PGAP1: variants seen among roughly 807,000 people sequenced by gnomAD.
PGAP1 encodes post-GPI attachment to proteins inositol deacylase 1.
In PGAP1, 76 loss-of-function variants were observed where a neutral mutation model predicts 127.0. That is an observed-to-expected ratio of 0.60 (90% CI 0.50 to 0.72). The LOEUF is 0.72. Ranked by LOEUF, PGAP1 falls within the 30% of genes least tolerant of loss-of-function variation. The probability of loss-of-function intolerance (pLI) is 0.00; values close to 1 mark genes in which losing one functional copy is unlikely to be tolerated. For missense variants in PGAP1, 982 were observed against 1,071.3 expected (o/e 0.92, Z 1.16); for synonymous variants, 362 against 366.5 (o/e 0.99, Z 0.14).
At chr2:196,865,714 A>G (rs542701463) in intron 19 of PGAP1, among the ~76,000 whole-genome samples, 32 of 151,872 alleles carry the variant, frequency 2.1e-4, no homozygotes, top group African/African-American at 5.1e-4. Flanking sequence ...TTATGGAACT[A>G]TAAGTTTTAA....
chr2:196,865,060 T>C lies in PGAP1; in HGVS notation c.1788A>G (p.Gly596=). ...TAGATACGACATAAGCAGGAAGAGC[T>C]CCACCATGAAATCTAACTACCTAAA... is the stretch of plus-strand genomic sequence containing the variant. The part of the protein sequence containing the change: ...ILGQVVRFHG[G]ALPAYVVSNI... Residue 596 remains glycine, a synonymous_variant, in exon 20 of 27, where the codon GGA becomes GGG. Coordinates refer to ENST00000354764, the MANE Select transcript of PGAP1 (RefSeq NM_024989.4). 6.4e-7 allele frequency: 1 copy of C among 1,563,934 alleles called. No individual in the cohort carries two copies. Among genetic ancestry groups the C allele is most frequent in the South Asian group, 1.2e-5 (1 of 80,116 alleles).
chr2:196,847,847 C>G, intron 21 of PGAP1, 100 bp downstream of exon 21: 7 of 852,962 alleles, frequency 8.2e-6, no homozygotes, highest in Non-Finnish European at 1.0e-5. Flanking sequence ...AACAAGTCAA[C>G]TGCCAAATCT....
At chr2:196,900,334 G>A (rs542053321) in intron 5 of PGAP1, among the ~76,000 whole-genome samples, 1 of 152,122 alleles carries the variant, frequency 6.6e-6, no homozygotes, top group Non-Finnish European at 1.5e-5. Flanking sequence ...ATCTGTGTGG[G>A]ACTATATTAC....
chr2:196,885,582 A>C, intron 11 of PGAP1, 107 bp from the exon 12 acceptor site: 1 of 815,942 alleles, frequency 1.2e-6, no homozygotes, highest in Non-Finnish European at 1.9e-6. Flanking sequence ...CCTAGTAGAG[A>C]TGTCTATTGA....
In PGAP1 at chr2:196,835,487, A is replaced by G. The variant is rs1352398577; in HGVS notation, c.*5747T>C. 6.6e-6 allele frequency: 1 copy of G among 152,080 alleles called. No individual in the cohort carries two copies. The highest frequency in any genetic ancestry group is 1.5e-5 in the Non-Finnish European group (1 of 67,896). 9.4% of individuals were successfully genotyped at this position (152,080 alleles called of 1,614,324 possible). A position where few individuals can be genotyped will look rare whatever the true frequency, so the allele number is the denominator to read the frequency against. On this transcript the variant is annotated 3_prime_UTR_variant, in exon 27 of 27. Transcript: ENST00000354764. Reference sequence around the variant, plus strand: ...ATCATTACTAGGCAAACTTTTACCCAATAAAATCAGAAAACATTCAAGCAA... The same window carrying G: ...ATCATTACTAGGCAAACTTTTACCCGATAAAATCAGAAAACATTCAAGCAA...
intron 19 of PGAP1, among the ~76,000 whole-genome samples, chr2:196,870,214 A>T (rs1053550339): frequency 6.6e-6 from 1 of 152,146 alleles, no homozygotes; most frequent in African/African-American, 2.4e-5. Context: ...GAAAACATTC[A>T]TTTATATGGC....
At chr2:196,847,898 T>A in intron 21 of PGAP1, 49 bp downstream of exon 21, 2 of 1,312,194 alleles carry the variant, frequency 1.5e-6, no homozygotes, top group Non-Finnish European at 2.1e-6. Flanking sequence ...AAATATAATG[T>A]TACATGTAAA....
At chr2:196,899,284 A>T (rs1702395048) in intron 5 of PGAP1, among the ~76,000 whole-genome samples, 2 of 152,216 alleles carry the variant, frequency 1.3e-5, no homozygotes, top group Non-Finnish European at 2.9e-5. Context: ...TTAATAAATG[A>T]ACTGAAAAAA....
Position 196,873,819 on chromosome 2 carries a change from ATTAT to A in PGAP1, c.1427-65_1427-62del, listed in dbSNP as rs60031361. Reference sequence around the variant, plus strand: ...CAAGGAAGTTTTTAAAAACATACTGATTATTTAATTAGCATTAAGACAATGCCAA... The same window carrying A: ...CAAGGAAGTTTTTAAAAACATACTGATTAATTAGCATTAAGACAATGCCAA... On this transcript the variant is annotated intron_variant, in intron 14 of 26. Transcript: ENST00000354764. 6.7e-4 allele frequency: 740 copies of A among 1,099,212 alleles called. 5 individuals are homozygous for A. In the African/African-American group the frequency reaches 9.9e-3, roughly 15 times the overall value. The allele number at this position is 1,099,212 out of a possible 1,614,324, so 68.1% of individuals were successfully genotyped here.
rs574972382 is a variant in PGAP1, at chr2:196,839,159, A to C, written c.*2075T>G. On this transcript the variant is annotated 3_prime_UTR_variant, in exon 27 of 27. Transcript: ENST00000354764. ...CAAAGAGGTTTTAGAATACATAAAC[A>C]TAATATTTATGGCTATCAATAGAAG... 1 of 152,682 alleles carries C rather than the reference A, an allele frequency of 6.5e-6. No individual in the cohort carries two copies. The highest frequency in any genetic ancestry group is 1.5e-5 in the Non-Finnish European group (1 of 68,042). 9.5% of individuals were successfully genotyped at this position (152,682 alleles called of 1,614,324 possible). A position where few individuals can be genotyped will look rare whatever the true frequency, so the allele number is the denominator to read the frequency against.
intron 18 of PGAP1, among the ~76,000 whole-genome samples, chr2:196,871,390 A>G (rs1701404993): frequency 6.6e-6 from 1 of 152,200 alleles, no homozygotes; most frequent in Non-Finnish European, 1.5e-5. Context: ...ATTTGATATT[A>G]GAAAGGAGAT....
At position 196,849,975 on chromosome 2, in the gene PGAP1, T is replaced by C. The variant is rs568537021; in HGVS notation, c.1862-1938A>G. Among the ~76,000 whole-genome samples the C allele has an allele frequency of 3.9e-5, 6 of 152,298 alleles. No homozygotes were observed. The South Asian group carries it at 6.2e-4, about 16-fold the overall frequency. ...TCCTGAATTCTGGGAGGCTGACTTT[T>C]ATAGACTGGCTTCTAGGTAAGTTCA... On this transcript the variant is annotated intron_variant, in intron 20 of 26. Transcript: ENST00000354764.
intron 4 of PGAP1, among the ~76,000 whole-genome samples, chr2:196,903,096 G>A (rs1056721543): frequency 6.6e-6 from 1 of 152,002 alleles, no homozygotes; most frequent in African/African-American, 2.4e-5. Flanking sequence ...AATATTCTTC[G>A]AAAGATAAGA....
chr2:196,915,816 C>G (rs1303811775), intron 3 of PGAP1, among the ~76,000 whole-genome samples: 2 of 152,202 alleles, frequency 1.3e-5, no homozygotes, highest in East Asian at 3.8e-4. Flanking sequence ...TTTAGAGCCC[C>G]TTTCTTTGCC....
chr2:196,835,698 T>C lies in PGAP1; in HGVS notation c.*5536A>G, dbSNP rs1700219149. ...GTTCATTGGCACAAATATCCAGAGG[T>C]ATTTTACAGTTTCATTTACCTTTGG... On this transcript the variant is annotated 3_prime_UTR_variant, in exon 27 of 27. Coordinates refer to ENST00000354764, the MANE Select transcript of PGAP1 (RefSeq NM_024989.4). 1 of 152,464 alleles carries C rather than the reference T, an allele frequency of 6.6e-6. No homozygotes were observed. The highest frequency in any genetic ancestry group is 1.5e-5 in the Non-Finnish European group (1 of 67,902). 9.4% of individuals were successfully genotyped at this position (152,464 alleles called of 1,614,324 possible).
chr2:196,923,290 T>C (rs1296549397), intron 1 of PGAP1, among the ~76,000 whole-genome samples: 2 of 152,210 alleles, frequency 1.3e-5, no homozygotes, highest in Middle Eastern at 3.2e-3. Flanking sequence ...TCACATATAC[T>C]ATTTATGCCT....
chr2:196,848,604 C>T (rs1700626761), intron 20 of PGAP1, among the ~76,000 whole-genome samples: 2 of 152,106 alleles, frequency 1.3e-5, no homozygotes, highest in South Asian at 4.1e-4. Flanking sequence ...CAAGATTCAT[C>T]CATGTTGTAA....
chr2:196,852,325 C>G (rs1700746119), intron 20 of PGAP1, among the ~76,000 whole-genome samples: 1 of 151,994 alleles, frequency 6.6e-6, no homozygotes, highest in Admixed American at 6.6e-5. Context: ...AGTACTCATA[C>G]AAATTATATA....
rs1242179264 is a variant in PGAP1, at chr2:196,836,914, C to A, written c.*4320G>T. The stretch of plus-strand genomic sequence containing the variant: ...TTGTTTCCTGTAATATACAAGTTCA[C>A]AAATCCTACACAATGAGAAAACAAA... On this transcript the variant is annotated 3_prime_UTR_variant, in exon 27 of 27. Transcript: ENST00000354764. 6.6e-6 allele frequency: 1 copy of A among 152,140 alleles called. No individual in the cohort carries two copies. The allele number at this position is 152,140 out of a possible 1,614,324, so 9.4% of individuals were successfully genotyped here. A position where few individuals can be genotyped will look rare whatever the true frequency, so the allele number is the denominator to read the frequency against.
Sources: allele counts gnomAD v4.1 joint callset (sites outside exome capture counted in the v4.1 genomes callset), GRCh38; gene constraint gnomAD v4.1.1; transcripts MANE v1.5; gene names NCBI Gene and HGNC (gene_info 2026-07-23, HGNC 2026-07-21).